WNT7B: variants seen among roughly 807,000 people sequenced by gnomAD.
WNT7B encodes protein Wnt-7b.
WNT7B carries 19 observed loss-of-function variants against 38.2 expected under a neutral mutation model. That is an observed-to-expected ratio of 0.50 (90% confidence interval 0.35 to 0.73). The LOEUF (loss-of-function observed/expected upper bound fraction) is 0.73. WNT7B is among the 30% of genes least tolerant of loss of function. WNT7B has a pLI of 0.01. For synonymous variants in WNT7B, 243 were observed against 209.3 expected, an observed-to-expected ratio of 1.16 and a Z score of -1.39; for missense variants, 423 against 507.9, an observed-to-expected ratio of 0.83 and a Z score of 1.61.
chr22:45,964,459 G>T (rs1012430280), intron 1 of WNT7B, among the ~76,000 whole-genome samples: 1 of 152,182 alleles, frequency 6.6e-6, no homozygotes, highest in African/African-American at 2.4e-5. Context: ...GCACACAGGA[G>T]GAGCCCCAGG....
chr22:45,931,033 C>T (rs1339492245), intron 3 of WNT7B, 65 bp downstream of exon 3: 15 of 1,491,238 alleles, frequency 1.0e-5, no homozygotes, highest in Admixed American at 2.2e-5. Context: ...CCTGAGGCTC[C>T]GAGAGGTCAG....
intron 2 of WNT7B, among the ~76,000 whole-genome samples, chr22:45,940,376 G>A (rs541625487): frequency 7.2e-5 from 11 of 152,182 alleles, no homozygotes; most frequent in African/African-American, 1.7e-4. Flanking sequence ...CACACCCACC[G>A]GGACAGGGAA....
At chr22:45,972,887 C>T (rs966929285) in intron 1 of WNT7B, among the ~76,000 whole-genome samples, 1 of 152,258 alleles carries the variant, frequency 6.6e-6, no homozygotes, top group African/African-American at 2.4e-5. Flanking sequence ...TGTGTGCCTG[C>T]GGGAGCGTGG....
At chr22:45,946,279 C>A (rs1931793218) in intron 2 of WNT7B, among the ~76,000 whole-genome samples, 1 of 152,224 alleles carries the variant, frequency 6.6e-6, no homozygotes. Flanking sequence ...TCAGCAGATG[C>A]TGTTCCGTCC....
intron 2 of WNT7B, among the ~76,000 whole-genome samples, chr22:45,940,222 C>A (rs1458554745): frequency 6.6e-6 from 1 of 152,102 alleles, no homozygotes; most frequent in Non-Finnish European, 1.5e-5. Flanking sequence ...TCTCTGAGGC[C>A]CCATGGGTAT....
intron 3 of WNT7B, among the ~76,000 whole-genome samples, chr22:45,927,823 A>C (rs1181131186): frequency 6.6e-6 from 1 of 152,136 alleles, no homozygotes; most frequent in Non-Finnish European, 1.5e-5. Flanking sequence ...TTGAACCCGG[A>C]AGGCAGAGGT....
chr22:45,975,665 C>T lies in WNT7B; in HGVS notation c.71+1019G>A. On this transcript the variant is annotated intron_variant, in intron 1 of 3. Transcript: ENST00000339464. This position sits in a 1 kb window ranked among gnomAD's most constrained non-coding sequence, Gnocchi z 6.6. ...ACCAGTGGTACCTGCACCTGCCCCT[C>T]CCGCGGGTCTGTTCACCGCCTTGCC... The T allele has an allele frequency of 1.4e-6, 1 of 694,764 alleles. No individual in the cohort carries two copies. Among genetic ancestry groups the T allele is most frequent in the South Asian group, 1.6e-5 (1 of 64,162 alleles). 43.0% of individuals were successfully genotyped at this position (694,764 alleles called of 1,614,324 possible).
intron 1 of WNT7B, among the ~76,000 whole-genome samples, chr22:45,953,246 C>T (rs1392614645): frequency 9.3e-6 from 1 of 107,612 alleles, no homozygotes; most frequent in Non-Finnish European, 2.0e-5. Flanking sequence ...CTCACAGTCA[C>T]CGTGTCCTCG....
intron 2 of WNT7B, 114 bp from the exon 3 acceptor site, chr22:45,931,483 G>A: frequency 1.6e-6 from 2 of 1,273,224 alleles, no homozygotes. Flanking sequence ...TGTGACCCTG[G>A]GCTCATCGCT....
intron 1 of WNT7B, among the ~76,000 whole-genome samples, chr22:45,971,571 C>A (rs1030368079): frequency 2.6e-5 from 4 of 152,350 alleles, no homozygotes; most frequent in Middle Eastern, 3.4e-3. Flanking sequence ...GCGCGTCCTC[C>A]TCGCCCCCAG....
intron 3 of WNT7B, among the ~76,000 whole-genome samples, chr22:45,929,866 A>T (rs1931267509): frequency 6.7e-6 from 1 of 150,336 alleles, no homozygotes; most frequent in African/African-American, 2.5e-5. Context: ...CCTTCCATCC[A>T]TCCATCCAAC....
chr22:45,950,054 C>T lies in WNT7B; in HGVS notation c.164G>A (p.Arg55Gln), dbSNP rs1931894834. 2.5e-6 allele frequency: 4 copies of T among 1,613,902 alleles called. No individual in the cohort carries two copies. Among genetic ancestry groups the T allele is most frequent in the Admixed American group, 1.7e-5 (1 of 60,008 alleles). Residue 55 changes from arginine (R) to glutamine (Q), a missense_variant, in exon 2 of 4, where the codon CGG (arginine) becomes CAG (glutamine). Around this residue, in one of 3 missense-constraint regions of WNT7B, gnomAD observed 133 missense variants for 179.8 expected, o/e 0.74. Coordinates refer to ENST00000339464, the MANE Select transcript of WNT7B (RefSeq NM_058238.3). ...CCCAATCACAATGATGGCATCGGGC[C>T]GACTCTGGCAGATGGCACGCTGCCG... ...APRQRAICQS[R>Q]PDAIIVIGEG...
chr22:45,923,110 T>C lies in WNT7B; in HGVS notation c.796A>G (p.Thr266Ala). Reference protein sequence around the residue: ...QLRSYQKPMETDLVYIEKSPN... With the variant: ...QLRSYQKPMEADLVYIEKSPN... ...GACTTCTCAATGTACACCAGGTCTG[T>C]CTCCATGGGCTTCTGATAGCTGCGC... Residue 266 changes from threonine to alanine, a missense_variant, in exon 4 of 4, where the codon ACA becomes GCA. Thr to Ala is a moderately conservative substitution (Grantham distance 58). This residue lies in a region of WNT7B where 158 missense variants were observed against 214.7 expected (regional missense o/e 0.74). Coordinates refer to ENST00000339464, the MANE Select transcript of WNT7B (RefSeq NM_058238.3). 1 of 1,613,672 alleles carries C rather than the reference T, an allele frequency of 6.2e-7. No homozygotes were observed. Among genetic ancestry groups the C allele is most frequent in the East Asian group, 2.2e-5 (1 of 44,878 alleles).
At chr22:45,931,881 AGCATGGGGG>A (rs374574380) in intron 2 of WNT7B, among the ~76,000 whole-genome samples, 2 of 152,134 alleles carry the variant, frequency 1.3e-5, no homozygotes, top group African/African-American at 4.8e-5. Context: ...GGCCACGGGG[AGCATGGGGG>A]GCCTCGTCCC....
chr22:45,928,634 T>TCTCCCCAGGGGCCAGTCCTGC (rs139335729), intron 3 of WNT7B, among the ~76,000 whole-genome samples: 42,901 of 151,828 alleles, frequency 0.28, 6,081 homozygotes, highest in South Asian at 0.32. Context: ...CCACCTCCTG[T>TCTCCCCAGGGGCCAGTCCTGC]CTCCATTTCC....
intron 2 of WNT7B, among the ~76,000 whole-genome samples, chr22:45,932,304 C>T (rs555217224): frequency 6.6e-6 from 1 of 152,314 alleles, no homozygotes; most frequent in South Asian, 2.1e-4. Context: ...TGCTCACATC[C>T]CCTGGGGATT....
chr22:45,944,842 C>T (rs910713766), intron 2 of WNT7B, among the ~76,000 whole-genome samples: 3 of 152,190 alleles, frequency 2.0e-5, no homozygotes, highest in Admixed American at 1.3e-4. Flanking sequence ...CCTCCGAAAA[C>T]GGCTGCTCAG....
chr22:45,922,850 C>T lies in WNT7B; in HGVS notation c.*6G>A, dbSNP rs773564586. On this transcript the variant is annotated 3_prime_UTR_variant, in exon 4 of 4. Transcript: ENST00000339464. The stretch of plus-strand genomic sequence containing the variant: ...AGGGTGCCCGCGGCCGCCTCCGGGC[C>T]TGGCCTCACTTGCAGGTGAAGACCT... 31 of 1,590,738 alleles carry T rather than the reference C, an allele frequency of 1.9e-5. No homozygotes were observed. The highest frequency in any genetic ancestry group is 2.6e-5 in the Non-Finnish European group (30 of 1,163,748).
intron 1 of WNT7B, among the ~76,000 whole-genome samples, chr22:45,968,846 G>A (rs999752702): frequency 2.6e-5 from 4 of 152,296 alleles, no homozygotes; most frequent in Admixed American, 6.5e-5. Flanking sequence ...ACTACACGTG[G>A]CCTGATCTGA....
Sources: gnomAD v4.1 joint callset for allele counts (sites outside exome capture counted in the v4.1 genomes callset) on GRCh38, gnomAD v4.1.1 for gene constraint, gnomAD v4.1.1 regional missense constraint, Gnocchi (gnomAD v3.1) non-coding constraint, MANE v1.5 for transcripts, NCBI Gene and HGNC (gene_info 2026-07-23, HGNC 2026-07-21) for gene names.